ISM2: variants seen among roughly 807,000 people sequenced by gnomAD.
The protein encoded by ISM2 is isthmin 2.
A neutral mutation model predicts 58.0 loss-of-function variants in ISM2; 50 were observed. That is an observed-to-expected ratio of 0.86 (90% CI 0.69 to 1.09). ISM2 has a LOEUF of 1.09. Ranked by LOEUF, ISM2 falls within the 50% of genes least tolerant of loss-of-function variation. ISM2 has a pLI of 0.00. For missense variants in ISM2, 723 were observed against 745.0 expected, an observed-to-expected ratio of 0.97 and a Z score of 0.34; for synonymous variants, 303 against 312.4, an observed-to-expected ratio of 0.97 and a Z score of 0.32.
intron 1 of ISM2, among the ~76,000 whole-genome samples, chr14:77,492,544 G>A (rs572208437): frequency 3.2e-4 from 47 of 147,618 alleles, no homozygotes; most frequent in African/African-American, 1.1e-3. Context: ...TTTCAAGACA[G>A]GGTCTTGCTC....
intron 1 of ISM2, 187 bp downstream of exon 1, chr14:77,498,465 GC>G: frequency 8.6e-7 from 1 of 1,168,746 alleles, no homozygotes; most frequent in Non-Finnish European, 1.2e-6. Context: ...AGGAGTGGAA[GC>G]CCCGAAGTCC....
rs149033774 is a variant in ISM2, at chr14:77,484,865, G to T, written c.196C>A (p.Leu66Ile). The T allele has an allele frequency of 1.9e-4, 307 of 1,594,712 alleles. No homozygotes were observed. The highest frequency in any genetic ancestry group is 1.5e-3 in the Middle Eastern group (9 of 5,952). Residue 66 changes from leucine (L) to isoleucine (I), a missense_variant, in exon 2 of 7, where the codon CTC becomes ATC. Leu to Ile is a conservative substitution (Grantham distance 5). Transcript: ENST00000342219. ...PLKEEEEAPLLPRTHLQAEPH... is the reference protein window; with the variant it reads ...PLKEEEEAPLIPRTHLQAEPH... ...TCTGCCTGCAGGTGGGTTCTGGGGA[G>T]CAGTGGTGCCTCCTCCTCTTCCTTC... is the stretch of plus-strand genomic sequence containing the variant.
chr14:77,481,116 G>A (rs1433386994), intron 4 of ISM2, among the ~76,000 whole-genome samples: 1 of 152,036 alleles, frequency 6.6e-6, no homozygotes, highest in African/African-American at 2.4e-5. Flanking sequence ...AAGGCAGGCA[G>A]ATCACTTGAG....
In ISM2 at chr14:77,475,572, G is replaced by T. The variant is rs752048766; in HGVS notation, c.*23C>A. 5 of 1,534,112 alleles carry T rather than the reference G, an allele frequency of 3.3e-6. No individual in the cohort carries two copies. In the African/African-American group the frequency reaches 6.9e-5, roughly 21 times the overall value. On this transcript the variant is annotated 3_prime_UTR_variant, in exon 7 of 7. Transcript: ENST00000342219. This position sits in a 1 kb window ranked among gnomAD's most constrained non-coding sequence, Gnocchi z 4.1. ...AGCAGCCGCCTGCCCTCTCCCTGCA[G>T]TGTCTGTTCAGCAACCCCGTCACTA...
At chr14:77,493,051 T>A (rs1336278397) in intron 1 of ISM2, among the ~76,000 whole-genome samples, 2 of 151,754 alleles carry the variant, frequency 1.3e-5, no homozygotes, top group East Asian at 3.9e-4. Flanking sequence ...TGGAGTGCAG[T>A]GGTGCAATCA....
chr14:77,497,240 C>T (rs2139976753), intron 1 of ISM2, among the ~76,000 whole-genome samples: 1 of 151,596 alleles, frequency 6.6e-6, no homozygotes, highest in South Asian at 2.1e-4. Context: ...CGGTGGCAGG[C>T]GCCTGTTATC....
At chr14:77,495,768 G>A (rs1789170694) in intron 1 of ISM2, among the ~76,000 whole-genome samples, 1 of 152,128 alleles carries the variant, frequency 6.6e-6, no homozygotes. Context: ...TGACGAGGGT[G>A]CCGAGGCTGA....
Position 77,484,850 on chromosome 14 carries a change from G to T in ISM2, c.211C>A (p.Leu71Met). 7.5e-6 allele frequency: 12 copies of T among 1,605,390 alleles called. No homozygotes were observed. Among genetic ancestry groups the T allele is most frequent in the Non-Finnish European group, 1.0e-5 (12 of 1,175,762 alleles). ...CCATGTTGGTGTGGCTCTGCCTGCA[G>T]GTGGGTTCTGGGGAGCAGTGGTGCC... is the stretch of plus-strand genomic sequence containing the variant. ...EEAPLLPRTHLQAEPHQHGCW... is the reference protein window; with the variant it reads ...EEAPLLPRTHMQAEPHQHGCW... Residue 71 changes from leucine (L) to methionine (M), a missense_variant, in exon 2 of 7, where the codon CTG becomes ATG. Transcript: ENST00000342219.
intron 1 of ISM2, among the ~76,000 whole-genome samples, chr14:77,489,445 C>T (rs982854021): frequency 6.6e-6 from 1 of 152,184 alleles, no homozygotes; most frequent in Non-Finnish European, 1.5e-5. Flanking sequence ...TGAGACCCTG[C>T]CTACAATAGC....
In ISM2 at chr14:77,474,732, C is replaced by T. The variant is rs958269408; in HGVS notation, c.*863G>A. On this transcript the variant is annotated 3_prime_UTR_variant, in exon 7 of 7. Transcript: ENST00000342219. Reference sequence around the variant, plus strand: ...AATAAATCAGGGCTTTTTTCCCCTCCCAGAGAACTGGTTTACTATAGACGT... The same window carrying T: ...AATAAATCAGGGCTTTTTTCCCCTCTCAGAGAACTGGTTTACTATAGACGT... 6.6e-6 allele frequency: 1 copy of T among 152,226 alleles called. No individual in the cohort carries two copies. Among genetic ancestry groups the T allele is most frequent in the Non-Finnish European group, 1.5e-5 (1 of 68,056 alleles). 9.4% of individuals were successfully genotyped at this position (152,226 alleles called of 1,614,324 possible). A position where few individuals can be genotyped will look rare whatever the true frequency, so the allele number is the denominator to read the frequency against.
chr14:77,485,057 G>A, intron 1 of ISM2, 138 bp from the exon 2 acceptor site: 1 of 893,608 alleles, frequency 1.1e-6, no homozygotes, highest in Non-Finnish European at 1.7e-6. Context: ...CATCTCTCTG[G>A]AGTGTGTATC....
intron 1 of ISM2, among the ~76,000 whole-genome samples, chr14:77,496,492 G>T (rs2079241528): frequency 7.2e-6 from 1 of 138,946 alleles, no homozygotes; most frequent in Admixed American, 7.3e-5. Context: ...CCGTCTCCGG[G>T]AAAAAAAATA....
At chr14:77,480,706 C>T (rs1594947616) in intron 4 of ISM2, among the ~76,000 whole-genome samples, 3 of 151,816 alleles carry the variant, frequency 2.0e-5, no homozygotes, top group South Asian at 4.2e-4. Context: ...TACAGGCAGG[C>T]GCCGCTGTGC....
intron 1 of ISM2, among the ~76,000 whole-genome samples, chr14:77,487,017 G>A (rs1260537746): frequency 6.6e-6 from 1 of 151,774 alleles, no homozygotes; most frequent in African/African-American, 2.4e-5. Context: ...TGAGGCGGGT[G>A]GATCACTTGA....
chr14:77,497,781 A>AGGAGGGAGGGAG (rs2079256365), intron 1 of ISM2, among the ~76,000 whole-genome samples: 1 of 97,336 alleles, frequency 1.0e-5, no homozygotes, highest in Non-Finnish European at 2.1e-5. Flanking sequence ...GAAGGAAGGA[A>AGGAGGGAGGGAG]GGAAGGAAGG....
chr14:77,475,849 C>T lies in ISM2; in HGVS notation c.1462G>A (p.Ala488Thr). The T allele has an allele frequency of 6.2e-7, 1 of 1,610,318 alleles. No homozygotes were observed. The stretch of plus-strand genomic sequence containing the variant: ...TCGTCATAGCAGCAGTGCTGGGCGG[C>T]CAGTGTGCTGCTCTCCCCAGACAGC... ...SMLSGESSTL[A>T]AQHCCYDEDS... is the part of the protein sequence containing the mutation. Residue 488 changes from alanine to threonine, a missense_variant, in exon 7 of 7, where the codon GCC becomes ACC. Transcript: ENST00000342219. This position sits in a 1 kb window ranked among gnomAD's most constrained non-coding sequence, Gnocchi z 4.1.
rs1028723834 is a variant in ISM2 at position 77,481,183 on chromosome 14, T to C, written c.973+1139A>G. On this transcript the variant is annotated intron_variant, in intron 4 of 6. Coordinates refer to ENST00000342219, the MANE Select transcript of ISM2 (RefSeq NM_199296.3). The stretch of plus-strand genomic sequence containing the variant: ...GGTGAAACCCCATCTCTACTAAAAC[T>C]ACAAAAATTAGCCAGGCGTGGTGGT... Among the ~76,000 whole-genome samples the C allele has an allele frequency of 2.6e-5, 4 of 151,836 alleles. No individual in the cohort carries two copies. The East Asian group carries it at 7.8e-4, about 30-fold the overall frequency.
Position 77,475,536 on chromosome 14 carries a change from C to T in ISM2, c.*59G>A, listed in dbSNP as rs1370789115. 73 of 767,964 alleles carry T rather than the reference C, an allele frequency of 9.5e-5. No homozygotes were observed. The highest frequency in any genetic ancestry group is 8.0e-4 in the East Asian group (21 of 26,102). 47.6% of individuals were successfully genotyped at this position (767,964 alleles called of 1,614,324 possible). A position where few individuals can be genotyped will look rare whatever the true frequency, so the allele number is the denominator to read the frequency against. ...CAGGGGCGGGTGAGGAAAGTTCTCCCGTGCAACAGCAGCAGCCGCCTGCCC... is the reference window on the plus strand; with the variant it reads ...CAGGGGCGGGTGAGGAAAGTTCTCCTGTGCAACAGCAGCAGCCGCCTGCCC... On this transcript the variant is annotated 3_prime_UTR_variant, in exon 7 of 7. Transcript: ENST00000342219. This position sits in a 1 kb window ranked among gnomAD's most constrained non-coding sequence, Gnocchi z 4.1.
chr14:77,492,772 C>T (rs149602509), intron 1 of ISM2, among the ~76,000 whole-genome samples: 34 of 152,220 alleles, frequency 2.2e-4, no homozygotes, highest in African/African-American at 7.5e-4. Flanking sequence ...CTTTGGGAGG[C>T]TGAAGCAGAC....
Sources: allele counts gnomAD v4.1 joint callset (sites outside exome capture counted in the v4.1 genomes callset), GRCh38; gene constraint gnomAD v4.1.1; non-coding constraint Gnocchi (gnomAD v3.1); transcripts MANE v1.5; gene names NCBI Gene and HGNC (gene_info 2026-07-23, HGNC 2026-07-21).